Variants in ALKBH8 observed in about 807,000 individuals in gnomAD.
ALKBH8 encodes the protein tRNA (carboxymethyluridine(34)-5-O)-methyltransferase ALKBH8.
A neutral mutation model predicts 59.8 loss-of-function variants in ALKBH8; 36 were observed. The observed-to-expected ratio is 0.60, with a 90% CI of 0.46 to 0.79. ALKBH8 has a LOEUF of 0.79. ALKBH8 is among the 30% of genes least tolerant of loss of function. The pLI, the probability that ALKBH8 is intolerant of heterozygous loss-of-function variation, is 0.00. For synonymous variants in ALKBH8, 276 were observed against 273.6 expected, an observed-to-expected ratio of 1.01 and a Z score of -0.09; for missense variants, 768 against 801.0, an observed-to-expected ratio of 0.96 and a Z score of 0.50.
intron 2 of ALKBH8, among the ~76,000 whole-genome samples, chr11:107,558,757 T>C (rs1864813337): frequency 6.6e-6 from 1 of 152,238 alleles, no homozygotes; most frequent in Non-Finnish European, 1.5e-5. Flanking sequence ...TATTATTTTA[T>C]TTATAATTGT....
chr11:107,540,087 G>A lies in ALKBH8; in HGVS notation c.772-7681C>T, dbSNP rs570143091. The stretch of plus-strand genomic sequence containing the variant: ...TTTCTCATTGCTACTGAGAGAAAAT[G>A]AGAGGCAGAACATCGTTTGCCTCTC... On this transcript the variant is annotated intron_variant, in intron 7 of 11. Transcript: ENST00000428149. Among the ~76,000 whole-genome samples the A allele has an allele frequency of 4.6e-5, 7 of 152,296 alleles. No individual in the cohort carries two copies. The East Asian group carries it at 9.6e-4, about 21-fold the overall frequency.
intron 6 of ALKBH8, 35 bp downstream of exon 6, chr11:107,551,773 T>C (rs1401309982): frequency 7.4e-7 from 1 of 1,348,798 alleles, no homozygotes; most frequent in Admixed American, 2.4e-5. Flanking sequence ...AGTTCCAAAA[T>C]ATGTGACTAA....
chr11:107,539,585 C>T lies in ALKBH8; in HGVS notation c.772-7179G>A, dbSNP rs545288108. On this transcript the variant is annotated intron_variant, in intron 7 of 11. Coordinates refer to ENST00000428149, the MANE Select transcript of ALKBH8 (RefSeq NM_138775.3). ...TTGCACTCCAGCCTGGGCAACAGAG[C>T]GAGAATCCACCAAAAAAAAACAAAA... Among the ~76,000 whole-genome samples, 7 of 140,910 alleles carry T rather than the reference C, an allele frequency of 5.0e-5. No homozygotes were observed. In the South Asian group the frequency reaches 7.0e-4, roughly 14 times the overall value. The allele number at this position is 140,910 out of a possible 152,430, so 92.4% of individuals were successfully genotyped here.
Position 107,533,481 on chromosome 11 carries a change from T to C in ALKBH8, c.772-1075A>G, listed in dbSNP as rs1355665686. ...AAAAGTATACAGAGCTAAAGTAGTT[T>C]TCTTCCTTTCTAACCTATCCTTCCA... On this transcript the variant is annotated intron_variant, in intron 7 of 11. Transcript: ENST00000428149. 2.0e-5 allele frequency among the ~76,000 whole-genome samples: 3 copies of C among 152,180 alleles called. No individual in the cohort carries two copies. In the East Asian group the frequency reaches 5.8e-4, roughly 29 times the overall value.
intron 8 of ALKBH8, among the ~76,000 whole-genome samples, chr11:107,528,493 G>A (rs189662362): frequency 2.0e-5 from 3 of 152,292 alleles, no homozygotes; most frequent in African/African-American, 7.2e-5. Context: ...TTTGTTCTAA[G>A]AGCTATACAT....
At chr11:107,533,938 G>A (rs941555491) in intron 7 of ALKBH8, among the ~76,000 whole-genome samples, 23 of 152,208 alleles carry the variant, frequency 1.5e-4, no homozygotes, top group African/African-American at 5.3e-4. Flanking sequence ...AGACCAGCCT[G>A]GCCAACATGG....
intron 8 of ALKBH8, among the ~76,000 whole-genome samples, chr11:107,529,961 A>C (rs1407367469): frequency 6.6e-6 from 1 of 152,176 alleles, no homozygotes; most frequent in Non-Finnish European, 1.5e-5. Context: ...AGGGAACTAG[A>C]GAAGTAGGCC....
chr11:107,504,355 A>G lies in ALKBH8; in HGVS notation c.*303T>C. On this transcript the variant is annotated 3_prime_UTR_variant, in exon 12 of 12. Coordinates refer to ENST00000428149, the MANE Select transcript of ALKBH8 (RefSeq NM_138775.3). Reference sequence around the variant, plus strand: ...TACATTTAGTAGCACTTTACTAAAAAACTATTATCTTCAAAATCCTGGGCT... The same window carrying G: ...TACATTTAGTAGCACTTTACTAAAAGACTATTATCTTCAAAATCCTGGGCT... 1 of 563,982 alleles carries G rather than the reference A, an allele frequency of 1.8e-6. No individual in the cohort carries two copies. Among genetic ancestry groups the G allele is most frequent in the Non-Finnish European group, 3.1e-6 (1 of 322,272 alleles). The allele number at this position is 563,982 out of a possible 1,614,324, so 34.9% of individuals were successfully genotyped here.
intron 8 of ALKBH8, among the ~76,000 whole-genome samples, chr11:107,530,600 A>AACACAAAC (rs1555044458): frequency 7.6e-6 from 1 of 132,102 alleles, no homozygotes; most frequent in Non-Finnish European, 1.6e-5. Context: ...CTCTCTTCCT[A>AACACAAAC]ACACACACAC....
chr11:107,550,819 G>C (rs1242566904), intron 6 of ALKBH8, among the ~76,000 whole-genome samples: 2 of 152,294 alleles, frequency 1.3e-5, no homozygotes, highest in Admixed American at 6.5e-5. Context: ...CACACACAGA[G>C]AAAAGGACAT....
chr11:107,563,519 A>C (rs1865016918), intron 1 of ALKBH8: 1 of 151,870 alleles, frequency 6.6e-6, no homozygotes, highest in South Asian at 2.1e-4. Context: ...CTTAGAATTA[A>C]ATTTATTTAT....
At chr11:107,525,296 T>G in intron 9 of ALKBH8, 145 bp downstream of exon 9, 1 of 607,224 alleles carries the variant, frequency 1.6e-6, no homozygotes, top group Non-Finnish European at 2.5e-6. Flanking sequence ...TTAAGAAAAG[T>G]GCATGAAAGT....
chr11:107,548,291 G>C (rs1440558890), intron 7 of ALKBH8, among the ~76,000 whole-genome samples: 1 of 152,170 alleles, frequency 6.6e-6, no homozygotes, highest in Non-Finnish European at 1.5e-5. Flanking sequence ...CCAGTGACAA[G>C]GTCAGTATGT....
intron 7 of ALKBH8, among the ~76,000 whole-genome samples, chr11:107,535,388 C>T (rs1863772138): frequency 6.6e-6 from 1 of 152,030 alleles, no homozygotes; most frequent in Non-Finnish European, 1.5e-5. Context: ...AAAAGTGTTC[C>T]CTTTTTTACC....
chr11:107,534,777 G>C (rs1311310857), intron 7 of ALKBH8, among the ~76,000 whole-genome samples: 1 of 143,532 alleles, frequency 7.0e-6, no homozygotes, highest in Non-Finnish European at 1.5e-5. Flanking sequence ...TTTCTCAATA[G>C]GTTTTTGGGG....
chr11:107,508,050 T>C (rs1862464144), intron 11 of ALKBH8, among the ~76,000 whole-genome samples: 1 of 152,036 alleles, frequency 6.6e-6, no homozygotes, highest in Non-Finnish European at 1.5e-5. Context: ...CAACAAATTA[T>C]AAATAAATAA....
chr11:107,541,561 A>T (rs1395744653), intron 7 of ALKBH8, among the ~76,000 whole-genome samples: 1 of 152,254 alleles, frequency 6.6e-6, no homozygotes, highest in Non-Finnish European at 1.5e-5. Context: ...TTTGTCTTAA[A>T]GAACAAAGCT....
chr11:107,556,911 G>C lies in ALKBH8; in HGVS notation c.222C>G (p.Leu74=). The change falls in exon 3 of 12, where the codon CTC becomes CTG. Residue 74 remains leucine, a synonymous_variant. Transcript: ENST00000428149. ...VLEKCGLVDA[L]LMPPNKPYSF... ...AGTACGGCTTGTTAGGTGGCATTAAGAGAGCATCCACCAGTCCACATTTCT... is the reference window on the plus strand; with the variant it reads ...AGTACGGCTTGTTAGGTGGCATTAACAGAGCATCCACCAGTCCACATTTCT... 6.2e-7 allele frequency: 1 copy of C among 1,612,682 alleles called. No homozygotes were observed. The highest frequency in any genetic ancestry group is 8.5e-7 in the Non-Finnish European group (1 of 1,179,378).
chr11:107,539,167 A>C (rs1171873345), intron 7 of ALKBH8, among the ~76,000 whole-genome samples: 1 of 152,240 alleles, frequency 6.6e-6, no homozygotes, highest in African/African-American at 2.4e-5. Context: ...CTGGAAGAAA[A>C]GCTTGCTGGT....
Sources: gnomAD v4.1 joint callset for allele counts (sites outside exome capture counted in the v4.1 genomes callset) on GRCh38, gnomAD v4.1.1 for gene constraint, MANE v1.5 for transcripts, NCBI Gene and HGNC (gene_info 2026-07-23, HGNC 2026-07-21) for gene names.